Variants in CFAP52 observed in about 807,000 individuals in gnomAD.
CFAP52 encodes the protein cilia- and flagella-associated protein 52.
Under a neutral mutation model 70.5 loss-of-function variants are expected in CFAP52, and 57 were observed. That is an observed-to-expected ratio of 0.81 (90% CI 0.65 to 1.01). CFAP52 has a LOEUF of 1.01. Among genes scored for constraint, CFAP52 ranks in the 50% least tolerant of loss-of-function variants. The pLI is 0.00. For missense variants in CFAP52, 785 were observed against 788.5 expected (o/e 1.00, Z 0.05); for synonymous variants, 267 against 292.5 (o/e 0.91, Z 0.89).
At chr17:9,601,642 T>C (rs1909276534) in intron 6 of CFAP52, among the ~76,000 whole-genome samples, 1 of 152,196 alleles carries the variant, frequency 6.6e-6, no homozygotes, top group African/African-American at 2.4e-5. Context: ...CTAGAAATAG[T>C]CAACTGTTTA....
chr17:9,635,632 G>A (rs1910741034), intron 11 of CFAP52, 76 bp downstream of exon 11: 1 of 1,580,308 alleles, frequency 6.3e-7, no homozygotes, highest in Admixed American at 1.7e-5. Flanking sequence ...GAACATGAGA[G>A]AAGATTCACA....
intron 1 of CFAP52, among the ~76,000 whole-genome samples, chr17:9,581,669 G>A (rs150645595): frequency 1.1e-3 from 169 of 152,228 alleles, no homozygotes; most frequent in African/African-American, 3.6e-3. Flanking sequence ...GTGGACATGC[G>A]TAGTTTTGGT....
Position 9,588,149 on chromosome 17 carries a change from C to G in CFAP52, c.407+1315C>G, listed in dbSNP as rs1387494224. ...GATGTTTACATCCTGCGTGACTCAG[C>G]AAGTTTAGAGTGCAGGCGTATAATT... On this transcript the variant is annotated intron_variant, in intron 3 of 13. Coordinates refer to ENST00000352665, the MANE Select transcript of CFAP52 (RefSeq NM_145054.5). Among the ~76,000 whole-genome samples, 7 of 152,296 alleles carry G rather than the reference C, an allele frequency of 4.6e-5. No homozygotes were observed. In the East Asian group the frequency reaches 1.3e-3, roughly 29 times the overall value.
chr17:9,597,614 C>G (rs1172159729), intron 4 of CFAP52: 1 of 152,194 alleles, frequency 6.6e-6, no homozygotes, highest in Non-Finnish European at 1.5e-5. Flanking sequence ...ACCATCCTGG[C>G]CAACATGGTG....
intron 1 of CFAP52, among the ~76,000 whole-genome samples, chr17:9,577,126 C>A (rs750140952): frequency 5.3e-5 from 8 of 152,200 alleles, no homozygotes; most frequent in Non-Finnish European, 7.3e-5. Flanking sequence ...CTCGCAAAGC[C>A]CTAGGCTCCT....
intron 1 of CFAP52, among the ~76,000 whole-genome samples, chr17:9,583,969 G>A (rs547105592): frequency 4.0e-4 from 61 of 152,266 alleles, no homozygotes; most frequent in African/African-American, 1.4e-3. Flanking sequence ...ATAAACTAGC[G>A]TTCAAAGACC....
intron 8 of CFAP52, among the ~76,000 whole-genome samples, chr17:9,622,619 C>G (rs1481551035): frequency 6.6e-6 from 1 of 151,774 alleles, no homozygotes. Context: ...AAAATTTGGT[C>G]CCTGCTTACC....
chr17:9,607,554 A>C (rs1338830403), intron 6 of CFAP52, among the ~76,000 whole-genome samples: 2 of 152,182 alleles, frequency 1.3e-5, no homozygotes, highest in African/African-American at 4.8e-5. Flanking sequence ...TACATGTTGT[A>C]GTTCAGATAA....
rs555502406 is a variant in CFAP52 at position 9,637,071 on chromosome 17, G to A, written c.1472+1515G>A. Among the ~76,000 whole-genome samples, 442 of 151,220 alleles carry A rather than the reference G, an allele frequency of 2.9e-3. 4 individuals carry two copies. Among genetic ancestry groups the A allele is most frequent in the Middle Eastern group, 0.01 (3 of 292 alleles). ...AAAAAGCAAACAAACAAACAAAAAA[G>A]CAAAAAAAAACCCGACAAAGCAAGC... is the stretch of plus-strand genomic sequence containing the variant. On this transcript the variant is annotated intron_variant, in intron 11 of 13. Transcript: ENST00000352665.
rs776460331 is a variant in CFAP52 at position 9,628,751 on chromosome 17, C to A, written c.1105C>A (p.Arg369=). The A allele has an allele frequency of 3.7e-6, 6 of 1,614,002 alleles. No individual in the cohort carries two copies. In the South Asian group the frequency reaches 4.4e-5, roughly 12 times the overall value. ...WHTSSNRELL[R]ITVPNMTCHG... The stretch of plus-strand genomic sequence containing the variant: ...CACATCATCCAACAGGGAGCTGCTG[C>A]GGATCACCGTGCCCAACATGACCTG... The change falls in exon 9 of 14, where the codon CGG becomes AGG. Residue 369 remains arginine (R), a synonymous_variant. Coordinates refer to ENST00000352665, the MANE Select transcript of CFAP52 (RefSeq NM_145054.5).
At chr17:9,596,049 A>G (rs1334339964) in intron 4 of CFAP52, among the ~76,000 whole-genome samples, 1 of 39,324 alleles carries the variant, frequency 2.5e-5, no homozygotes, top group Non-Finnish European at 6.7e-5. Flanking sequence ...ATGTAGATAT[A>G]TATGTGTGTG....
At chr17:9,593,001 G>A (rs947304206) in intron 3 of CFAP52, among the ~76,000 whole-genome samples, 2 of 152,144 alleles carry the variant, frequency 1.3e-5, no homozygotes, top group African/African-American at 4.8e-5. Context: ...GGAAAAGGGA[G>A]AATTTATGGC....
chr17:9,642,951 A>T, intron 13 of CFAP52, 72 bp from the exon 14 acceptor site: 1 of 1,279,614 alleles, frequency 7.8e-7, no homozygotes, highest in Non-Finnish European at 1.0e-6. Flanking sequence ...AAAATGATCC[A>T]GTTATTTGAA....
intron 6 of CFAP52, among the ~76,000 whole-genome samples, chr17:9,601,376 C>T (rs536381395): frequency 4.6e-5 from 7 of 151,904 alleles, no homozygotes; most frequent in Admixed American, 1.3e-4. Context: ...CAAACCTGCA[C>T]GTTGTGCACA....
chr17:9,611,259 G>A lies in CFAP52; in HGVS notation c.855-1050G>A, dbSNP rs146928155. Among the ~76,000 whole-genome samples, 122 of 150,300 alleles carry A rather than the reference G, an allele frequency of 8.1e-4. 1 individual carries two copies. The highest frequency in any genetic ancestry group is 2.8e-3 in the African/African-American group (116 of 40,974). On this transcript the variant is annotated intron_variant, in intron 7 of 13. Transcript: ENST00000352665. ...TCATGTATATACTTTTTTTTTTTAA[G>A]TTCATACTCATTATAAAGGGAAGAG...
chr17:9,607,828 C>T (rs972862622), intron 6 of CFAP52, among the ~76,000 whole-genome samples: 7 of 152,148 alleles, frequency 4.6e-5, no homozygotes, highest in Non-Finnish European at 1.0e-4. Context: ...AGGGTTACTT[C>T]CTGGCAAGTG....
At chr17:9,611,511 C>T (rs890971157) in intron 7 of CFAP52, among the ~76,000 whole-genome samples, 1 of 151,990 alleles carries the variant, frequency 6.6e-6, no homozygotes, top group African/African-American at 2.4e-5. Context: ...CGCACCACCA[C>T]ACCTGGCTAA....
rs754906690 is a variant in CFAP52 at position 9,643,105 on chromosome 17, C to T, written c.1770C>T (p.Ile590=). The change falls in exon 14 of 14, where the codon ATC becomes ATT. Residue 590 remains isoleucine, a synonymous_variant. Transcript: ENST00000352665. Reference sequence around the variant, plus strand: ...TTGGGGTGGGACACAGTGGCAACATCACACGCATCCGCATAAGTCCAGGAA... The same window carrying T: ...TTGGGGTGGGACACAGTGGCAACATTACACGCATCCGCATAAGTCCAGGAA... The part of the protein sequence containing the change: ...THVGVGHSGN[I]TRIRISPGNQ... 1.3e-5 allele frequency: 21 copies of T among 1,613,802 alleles called. No homozygotes were observed. The highest frequency in any genetic ancestry group is 1.7e-5 in the Non-Finnish European group (20 of 1,179,876).
Position 9,585,925 on chromosome 17 carries a change from T to A in CFAP52, c.223T>A (p.Ser75Thr). ...NNVSCLAISRSGEYIASGQVT... is the reference protein window; with the variant it reads ...NNVSCLAISRTGEYIASGQVT... ...CGTCTCCTGCTTGGCCATCTCCAGG[T>A]CTGGAGAGTACATCGCCTCCGGACA... Residue 75 changes from serine (S) to threonine (T), a missense_variant, in exon 2 of 14, where the codon TCT becomes ACT. By Grantham distance (58) the Ser-to-Thr change is moderately conservative (BLOSUM62 1). Transcript: ENST00000352665. 1.9e-6 allele frequency: 3 copies of A among 1,613,708 alleles called. No homozygotes were observed. The highest frequency in any genetic ancestry group is 2.5e-6 in the Non-Finnish European group (3 of 1,179,914).
Sources: gnomAD v4.1 joint callset for allele counts (sites outside exome capture counted in the v4.1 genomes callset) on GRCh38, gnomAD v4.1.1 for gene constraint, MANE v1.5 for transcripts, NCBI Gene and HGNC (gene_info 2026-07-23, HGNC 2026-07-21) for gene names.